The following UBXN2A variants were observed in gnomAD, a reference collection of about 807,000 sequenced individuals.
The protein encoded by UBXN2A is UBX domain-containing protein 2A.
Under a neutral mutation model 28.4 loss-of-function variants are expected in UBXN2A, and 28 were observed. That is an observed-to-expected ratio of 0.99 (90% CI 0.73 to 1.35). The LOEUF (loss-of-function observed/expected upper bound fraction) is 1.35, where lower values mean the gene tolerates loss of function less well. UBXN2A is among the 40% of genes most tolerant of loss of function. UBXN2A has a pLI of 0.00. For synonymous variants in UBXN2A, 97 were observed against 103.6 expected (o/e 0.94, Z 0.39); for missense variants, 253 against 297.9 (o/e 0.85, Z 1.11).
chr2:23,984,683 A>G lies in UBXN2A; in HGVS notation c.436A>G (p.Lys146Glu), dbSNP rs1708050868. ...TCTGGATTTCCTTAGTGCCACACCA[A>G]AAATTGTTTCTAAAGCAAAGAATAT... ...QGHRLGSATP[K>E]IVSKAKNIEV... Residue 146 changes from lysine (K) to glutamate (E), a missense_variant, in exon 6 of 7, where the codon AAA (lysine) becomes GAA (glutamate). Physicochemically the swap from Lys to Glu is moderately conservative, Grantham distance 56. Transcript: ENST00000309033. 1 of 1,530,302 alleles carries G rather than the reference A, an allele frequency of 6.5e-7. No individual in the cohort carries two copies. The highest frequency in any genetic ancestry group is 8.7e-7 in the Non-Finnish European group (1 of 1,148,834). The allele number at this position is 1,530,302 out of a possible 1,614,324, so 94.8% of individuals were successfully genotyped here. A position where few individuals can be genotyped will look rare whatever the true frequency, so the allele number is the denominator to read the frequency against.
Position 23,987,539 on chromosome 2 carries a change from G to A in UBXN2A, c.584+2708G>A, listed in dbSNP as rs531281088. On this transcript the variant is annotated intron_variant, in intron 6 of 6. Coordinates refer to ENST00000309033, the MANE Select transcript of UBXN2A (RefSeq NM_181713.4). The stretch of plus-strand genomic sequence containing the variant: ...CACGCCTGTAATCCCAGCACTTTGG[G>A]AGGCCGAGGTGAGCAGATTACGAGG... Among the ~76,000 whole-genome samples the A allele has an allele frequency of 2.0e-5, 3 of 152,102 alleles. No homozygotes were observed. In the South Asian group the frequency reaches 6.2e-4, roughly 32 times the overall value.
intron 2 of UBXN2A, among the ~76,000 whole-genome samples, chr2:23,970,548 A>G (rs138472490): frequency 6.6e-4 from 101 of 152,180 alleles, no homozygotes; most frequent in Non-Finnish European, 1.2e-3. Flanking sequence ...TTTGTGGAAG[A>G]CAGTTTTTCC....
chr2:23,987,069 G>C (rs1370486338), intron 6 of UBXN2A, among the ~76,000 whole-genome samples: 1 of 151,826 alleles, frequency 6.6e-6, no homozygotes, highest in Non-Finnish European at 1.5e-5. Context: ...CCCCAGCCTG[G>C]GTGACAGAGC....
intron 1 of UBXN2A, among the ~76,000 whole-genome samples, chr2:23,954,849 C>T (rs1301735475): frequency 3.3e-5 from 5 of 151,306 alleles, no homozygotes; most frequent in Non-Finnish European, 7.4e-5. Flanking sequence ...CCTCAAATTC[C>T]CTGGCTCAAG....
intron 4 of UBXN2A, among the ~76,000 whole-genome samples, chr2:23,979,965 A>C (rs922460334): frequency 6.6e-6 from 1 of 152,032 alleles, no homozygotes; most frequent in African/African-American, 2.4e-5. Flanking sequence ...GATATAATTA[A>C]CCTACCATAA....
chr2:23,945,432 C>T (rs1706019496), intron 1 of UBXN2A, among the ~76,000 whole-genome samples: 4 of 152,146 alleles, frequency 2.6e-5, no homozygotes, highest in Admixed American at 2.6e-4. Flanking sequence ...ACAAAATATA[C>T]AAATGAACTG....
At chr2:23,993,985 T>A (rs1708444432) in intron 6 of UBXN2A, among the ~76,000 whole-genome samples, 1 of 152,180 alleles carries the variant, frequency 6.6e-6, no homozygotes, top group Non-Finnish European at 1.5e-5. Context: ...AGCCCTGCCT[T>A]TAGTATCTCT....
intron 1 of UBXN2A, among the ~76,000 whole-genome samples, chr2:23,930,517 T>G (rs968509586): frequency 1.5e-4 from 23 of 152,146 alleles, no homozygotes; most frequent in Non-Finnish European, 2.8e-4. Context: ...TAGTGACCCC[T>G]GAGATACGTG....
chr2:23,978,575 C>T (rs913441191), intron 4 of UBXN2A, among the ~76,000 whole-genome samples: 12 of 151,454 alleles, frequency 7.9e-5, no homozygotes, highest in African/African-American at 1.7e-4. Context: ...ACCTGGGAGG[C>T]GGAGCTTGCA....
intron 1 of UBXN2A, among the ~76,000 whole-genome samples, chr2:23,958,008 TC>T (rs1438858824): frequency 2.0e-5 from 3 of 152,202 alleles, no homozygotes; most frequent in African/African-American, 7.2e-5. Flanking sequence ...TACCTTTTCC[TC>T]CCAAAGTGCT....
chr2:23,956,873 G>T (rs1706654162), intron 1 of UBXN2A, among the ~76,000 whole-genome samples: 1 of 152,108 alleles, frequency 6.6e-6, no homozygotes, highest in African/African-American at 2.4e-5. Context: ...CCAGTGGTTT[G>T]GACTACACCT....
At position 24,004,740 on chromosome 2, in the gene UBXN2A, ATAATCTTATTT is replaced by A. The variant is rs1397783502; in HGVS notation, c.*4876_*4886del. On this transcript the variant is annotated 3_prime_UTR_variant, in exon 7 of 7. Transcript: ENST00000309033. ...CTATGCATTTTTTTCAGTTTAAAAA[ATAATCTTATTT>A]TATATACTTCTCTCGGTATAATTTT... The A allele has an allele frequency of 2.0e-5, 3 of 151,804 alleles. No individual in the cohort carries two copies. Among genetic ancestry groups the A allele is most frequent in the African/African-American group, 7.2e-5 (3 of 41,448 alleles). 9.4% of individuals were successfully genotyped at this position (151,804 alleles called of 1,614,324 possible).
chr2:24,001,223 CAG>C lies in UBXN2A; in HGVS notation c.*1357_*1358del, dbSNP rs1384509945. On this transcript the variant is annotated 3_prime_UTR_variant, in exon 7 of 7. Transcript: ENST00000309033. ...CAGGCTGGTCTCGAACTCCCGACCTCAGGGGATCTGCCTGCCTAGGCCTCCTG... is the reference window on the plus strand; with the variant it reads ...CAGGCTGGTCTCGAACTCCCGACCTCGGGATCTGCCTGCCTAGGCCTCCTG... The C allele has an allele frequency of 6.6e-6, 1 of 152,256 alleles. No individual in the cohort carries two copies. The highest frequency in any genetic ancestry group is 2.4e-5 in the African/African-American group (1 of 41,462). 9.4% of individuals were successfully genotyped at this position (152,256 alleles called of 1,614,324 possible).
chr2:23,951,444 A>C (rs1309212985), intron 1 of UBXN2A, among the ~76,000 whole-genome samples: 8 of 55,088 alleles, frequency 1.5e-4, no homozygotes, highest in Non-Finnish European at 2.8e-4. Context: ...ATATATATAT[A>C]TATATATATA....
At chr2:23,961,372 A>T (rs1305445641) in intron 2 of UBXN2A, among the ~76,000 whole-genome samples, 1 of 152,094 alleles carries the variant, frequency 6.6e-6, no homozygotes, top group Non-Finnish European at 1.5e-5. Flanking sequence ...CTAGGATTAC[A>T]GACGTGAGCC....
chr2:23,970,382 C>T (rs1489060884), intron 2 of UBXN2A, among the ~76,000 whole-genome samples: 1 of 152,098 alleles, frequency 6.6e-6, no homozygotes, highest in Non-Finnish European at 1.5e-5. Context: ...ATGCATTTGG[C>T]AATGTGAAGA....
upstream of UBXN2A, among the ~76,000 whole-genome samples, chr2:23,939,161 GA>G (rs1199757075): frequency 3.9e-5 from 6 of 152,144 alleles, no homozygotes; most frequent in Non-Finnish European, 7.3e-5. Flanking sequence ...CAACAGGGGG[GA>G]AAAGGACTAT....
intron 1 of UBXN2A, among the ~76,000 whole-genome samples, chr2:23,933,472 T>C (rs1442676685): frequency 1.3e-5 from 2 of 151,838 alleles, no homozygotes; most frequent in African/African-American, 4.8e-5. Context: ...CACCATTGCA[T>C]TCCAGCCTGG....
intron 1 of UBXN2A, among the ~76,000 whole-genome samples, chr2:23,949,391 G>A (rs545396879): frequency 1.3e-4 from 20 of 151,740 alleles, no homozygotes; most frequent in South Asian, 4.2e-4. Context: ...CTAACACATC[G>A]AAACCCTGTC....
Sources: allele counts gnomAD v4.1 joint callset (sites outside exome capture counted in the v4.1 genomes callset), GRCh38; gene constraint gnomAD v4.1.1; transcripts MANE v1.5; gene names NCBI Gene and HGNC (gene_info 2026-07-23, HGNC 2026-07-21).